Variants in TMPRSS7 observed in about 807,000 individuals in gnomAD.
The protein encoded by TMPRSS7 is transmembrane serine protease 7, also known as transmembrane protease serine 7.
A neutral mutation model predicts 95.6 loss-of-function variants in TMPRSS7; 81 were observed. The observed-to-expected ratio is 0.85, with a 90% CI of 0.71 to 1.02. The LOEUF (loss-of-function observed/expected upper bound fraction) is 1.02. Among genes scored for constraint, TMPRSS7 ranks in the 50% least tolerant of loss-of-function variants. The pLI is 0.00. For synonymous variants in TMPRSS7, 364 were observed against 337.8 expected (o/e 1.08, Z -0.85); for missense variants, 945 against 955.2 (o/e 0.99, Z 0.14).
In TMPRSS7 at chr3:112,080,872, T is replaced by C. The variant is rs754607601; in HGVS notation, c.2362-42T>C. ...ACAATAAAGATGAAACTGATGATCATGGGACCAATTTACTTTATACTTACA... is the reference window on the plus strand; with the variant it reads ...ACAATAAAGATGAAACTGATGATCACGGGACCAATTTACTTTATACTTACA... On this transcript the variant is annotated intron_variant, in intron 17 of 17. Coordinates refer to ENST00000452346, the Ensembl canonical transcript of TMPRSS7. 9.6e-6 allele frequency: 15 copies of C among 1,569,830 alleles called. No individual in the cohort carries two copies. In the South Asian group the frequency reaches 1.8e-4, roughly 19 times the overall value.
In TMPRSS7 at chr3:112,044,245, T is replaced by A; in HGVS notation, c.430-10T>A. On this transcript the variant is annotated splice_polypyrimidine_tract_variant and intron_variant, in intron 3 of 17. Transcript: ENST00000452346. ...GAAATACTTCAGATACCTCAACTAT[T>A]CTTTTTCAGATAAACCTGGTTTATA... 14 of 1,542,662 alleles carry A rather than the reference T, an allele frequency of 9.1e-6. No individual in the cohort carries two copies. Among genetic ancestry groups the A allele is most frequent in the Non-Finnish European group, 1.2e-5 (14 of 1,139,164 alleles).
intron 1 of TMPRSS7, among the ~76,000 whole-genome samples, chr3:112,037,804 T>C (rs894482724): frequency 4.6e-5 from 7 of 152,174 alleles, no homozygotes; most frequent in African/African-American, 1.2e-4. Flanking sequence ...AGAACCTACA[T>C]TGAAATATCG....
At chr3:112,066,427 A>G (rs2073576320) in exon 13 of TMPRSS7, 1 of 1,613,932 alleles carries the variant, frequency 6.2e-7, no homozygotes, top group African/African-American at 1.3e-5. Context: ...CAGCTCCTTC[A>G]GGCAGCATGG....
At chr3:112,039,341 G>A (rs2073182640) in intron 2 of TMPRSS7, among the ~76,000 whole-genome samples, 1 of 152,208 alleles carries the variant, frequency 6.6e-6, no homozygotes, top group Non-Finnish European at 1.5e-5. Context: ...AATGATAGGA[G>A]TGATAGGAGC....
chr3:112,080,947 A>C (rs752557544), exon 18 of TMPRSS7: 8 of 1,613,864 alleles, frequency 5.0e-6, no homozygotes, highest in Middle Eastern at 3.3e-4. Flanking sequence ...TTGTCGAAGA[A>C]AAAGTGATGG....
chr3:112,057,164 G>T (rs1472711340), intron 10 of TMPRSS7, 33 bp downstream of exon 10: 26 of 1,473,292 alleles, frequency 1.8e-5, no homozygotes, highest in Middle Eastern at 1.7e-4. Flanking sequence ...CATATGTGAG[G>T]CATCTGATGA....
chr3:112,036,412 T>G (rs1020629149), intron 1 of TMPRSS7, among the ~76,000 whole-genome samples: 2 of 152,010 alleles, frequency 1.3e-5, no homozygotes, highest in Admixed American at 6.6e-5. Flanking sequence ...CTACTACAAA[T>G]ACAGAATTAG....
At chr3:112,081,268 TG>T (rs1442056482), downstream of TMPRSS7, 151 of 223,180 alleles carry the variant, frequency 6.8e-4, no homozygotes, top group East Asian at 2.9e-3. Context: ...CTGTCTCTAC[TG>T]AAAAAAAAAA....
chr3:112,071,998 A>G (rs1463312018), intron 13 of TMPRSS7, among the ~76,000 whole-genome samples: 1 of 152,108 alleles, frequency 6.6e-6, no homozygotes, highest in Non-Finnish European at 1.5e-5. Context: ...GCTGGTGAGG[A>G]GCTGCATTCC....
intron 13 of TMPRSS7, among the ~76,000 whole-genome samples, chr3:112,072,445 A>T (rs2073660995): frequency 6.6e-6 from 1 of 152,236 alleles, no homozygotes; most frequent in Non-Finnish European, 1.5e-5. Flanking sequence ...TTGAGGAGGC[A>T]GTCTGTCTGT....
chr3:112,037,424 C>T lies in TMPRSS7; in HGVS notation c.49-648C>T, dbSNP rs748967690. Among the ~76,000 whole-genome samples, 116 of 152,194 alleles carry T rather than the reference C, an allele frequency of 7.6e-4. 3 individuals carry two copies. Among genetic ancestry groups the T allele is most frequent in the Non-Finnish European group, 2.4e-4 (16 of 68,034 alleles). On this transcript the variant is annotated intron_variant, in intron 1 of 17. Transcript: ENST00000452346. ...AAATTCCAGGTTGGCGAATTCTAGT[C>T]AGACCAGTTCTCTGCTCTTGAACCC...
rs531571098 is a variant in TMPRSS7 at position 112,078,742 on chromosome 3, A to T, written c.2225A>T (p.Asp742Val). The T allele has an allele frequency of 3.2e-5, 52 of 1,614,164 alleles. 1 individual carries two copies. In the South Asian group the frequency reaches 5.4e-4, roughly 17 times the overall value. The change falls in exon 17 of 18, where the codon GAT (aspartate) becomes GTT (valine). Residue 742 changes from aspartate (D) to valine (V), a missense_variant and splice_region_variant. Asp to Val is a radical substitution (Grantham distance 152). Transcript: ENST00000452346. The stretch of plus-strand genomic sequence containing the variant: ...TTTCTACTTCCAATGTGTTTTGCAG[A>T]TAATAAAGGCTCCCTCGTTCTGCAG...
At chr3:112,052,385 A>G (rs1392770274) in intron 9 of TMPRSS7, among the ~76,000 whole-genome samples, 1 of 152,068 alleles carries the variant, frequency 6.6e-6, no homozygotes, top group Non-Finnish European at 1.5e-5. Context: ...GTGCATAGTC[A>G]TAATAGTTAA....
chr3:112,051,225 A>G (rs186376891), intron 9 of TMPRSS7, among the ~76,000 whole-genome samples: 1 of 152,198 alleles, frequency 6.6e-6, no homozygotes, highest in African/African-American at 2.4e-5. Context: ...AAACAGACAC[A>G]ATAAAATACA....
intron 1 of TMPRSS7, among the ~76,000 whole-genome samples, chr3:112,035,290 C>T (rs746573194): frequency 1.5e-4 from 23 of 152,192 alleles, no homozygotes; most frequent in Non-Finnish European, 2.6e-4. Flanking sequence ...TTGATACCAT[C>T]GACAACTCAT....
intron 10 of TMPRSS7, among the ~76,000 whole-genome samples, chr3:112,057,835 C>G (rs796501): frequency 0.01 from 1,557 of 152,228 alleles, 16 homozygotes; most frequent in African/African-American, 0.036. Flanking sequence ...AAGCAATTCT[C>G]CTGCCTCAGC....
exon 10 of TMPRSS7, chr3:112,057,077 C>T (rs2073442049): frequency 2.5e-6 from 4 of 1,612,928 alleles, no homozygotes; most frequent in Admixed American, 1.7e-5. Flanking sequence ...TATTCAATAA[C>T]CAAGAAGAGT....
exon 11 of TMPRSS7, chr3:112,061,825 G>A (rs371646957): frequency 2.1e-5 from 34 of 1,611,158 alleles, no homozygotes; most frequent in East Asian, 1.8e-4. Flanking sequence ...ACAATTTTTC[G>A]AGTGCCCAGC....
intron 9 of TMPRSS7, among the ~76,000 whole-genome samples, chr3:112,051,469 T>C (rs1459566139): frequency 6.6e-6 from 1 of 152,124 alleles, no homozygotes; most frequent in African/African-American, 2.4e-5. Context: ...GACAACTCTA[T>C]TATATTTCAG....
Sources: gnomAD v4.1 joint callset for allele counts (sites outside exome capture counted in the v4.1 genomes callset) on GRCh38, gnomAD v4.1.1 for gene constraint, MANE v1.5 for transcripts, NCBI Gene and HGNC (gene_info 2026-07-23, HGNC 2026-07-21) for gene names.